ARMC8: variants seen among roughly 807,000 people sequenced by gnomAD.
The protein encoded by ARMC8 is armadillo repeat-containing protein 8.
Under a neutral mutation model 99.3 loss-of-function variants are expected in ARMC8, and 20 were observed. The ratio of observed to expected loss-of-function variants is 0.20; its 90% confidence interval spans 0.14 to 0.29. The LOEUF (loss-of-function observed/expected upper bound fraction) is 0.29. ARMC8 is among the 10% of genes least tolerant of loss of function. The pLI, the probability that ARMC8 is intolerant of heterozygous loss-of-function variation, is 1.00. For synonymous variants in ARMC8, 263 were observed against 278.3 expected (o/e 0.95, Z 0.55); for missense variants, 569 against 809.5 (o/e 0.70, Z 3.60).
rs548327651 is a variant in ARMC8 at position 138,194,757 on chromosome 3, A to G, written c.45+7158A>G. Among the ~76,000 whole-genome samples the G allele has an allele frequency of 4.0e-5, 6 of 151,828 alleles. No homozygotes were observed. The East Asian group carries it at 5.8e-4, about 15-fold the overall frequency. On this transcript the variant is annotated intron_variant, in intron 1 of 21. Coordinates refer to ENST00000469044, the MANE Select transcript of ARMC8 (RefSeq NM_001363941.2). Reference sequence around the variant, plus strand: ...TATAAGCATATTGTTGGCCTTGCCTATAGCTACTTAATGATTTATTCTCTT... The same window carrying G: ...TATAAGCATATTGTTGGCCTTGCCTGTAGCTACTTAATGATTTATTCTCTT...
chr3:138,241,838 T>C lies in ARMC8; in HGVS notation c.893T>C (p.Val298Ala). The C allele has an allele frequency of 6.2e-7, 1 of 1,613,910 alleles. No individual in the cohort carries two copies. The highest frequency in any genetic ancestry group is 8.5e-7 in the Non-Finnish European group (1 of 1,179,948). The change falls in exon 11 of 22, where the codon GTT (valine) becomes GCT (alanine). Residue 298 changes from valine (V) to alanine (A), a missense_variant. Physicochemically the swap from Val to Ala is moderately conservative, Grantham distance 64 (BLOSUM62 0). Transcript: ENST00000469044. ...CSKERLLEER[V>A]EGAETLAYLI... The stretch of plus-strand genomic sequence containing the variant: ...AAGGAGAGATTACTAGAGGAGAGAG[T>C]TGAAGGAGCTGAGACACTTGCCTAT...
At chr3:138,257,577 T>G (rs972797671) in intron 12 of ARMC8, among the ~76,000 whole-genome samples, 1 of 152,184 alleles carries the variant, frequency 6.6e-6, no homozygotes, top group Admixed American at 6.5e-5. Flanking sequence ...CTCATGGCCC[T>G]TCTCTTTCCT....
chr3:138,200,427 T>C (rs1164816524), intron 1 of ARMC8, among the ~76,000 whole-genome samples: 1 of 152,208 alleles, frequency 6.6e-6, no homozygotes, highest in Non-Finnish European at 1.5e-5. Flanking sequence ...GGAAAATCGA[T>C]TGTACATTAA....
At chr3:138,251,192 T>G (rs989834585) in intron 12 of ARMC8, among the ~76,000 whole-genome samples, 13 of 151,962 alleles carry the variant, frequency 8.6e-5, no homozygotes, top group Admixed American at 8.5e-4. Context: ...TTGCTGAGCA[T>G]GCATTCACTT....
In ARMC8 at chr3:138,239,453, G is replaced by T; in HGVS notation, c.777-15G>T. 6.3e-7 allele frequency: 1 copy of T among 1,578,792 alleles called. No homozygotes were observed. The highest frequency in any genetic ancestry group is 8.6e-7 in the Non-Finnish European group (1 of 1,162,772). On this transcript the variant is annotated splice_polypyrimidine_tract_variant and intron_variant, in intron 9 of 21. Transcript: ENST00000469044. ...AACTCCAAGCAAAAACTTATTTTCT[G>T]CTGTCTTATTCCAGTTTAACTTACA...
intron 1 of ARMC8, among the ~76,000 whole-genome samples, chr3:138,192,489 G>C (rs2043451480): frequency 6.6e-6 from 1 of 151,894 alleles, no homozygotes; most frequent in Non-Finnish European, 1.5e-5. Flanking sequence ...GTGTTAGCCA[G>C]GATAGTCTCA....
chr3:138,213,040 A>G (rs1025274844), intron 2 of ARMC8, among the ~76,000 whole-genome samples: 2 of 152,236 alleles, frequency 1.3e-5, no homozygotes, highest in African/African-American at 4.8e-5. Flanking sequence ...AGGCTGAGGC[A>G]GGAAGATTGC....
intron 1 of ARMC8, chr3:138,188,445 C>G: frequency 1.2e-6 from 2 of 1,602,894 alleles, no homozygotes; most frequent in Non-Finnish European, 1.7e-6. Context: ...CTATGTTGCT[C>G]TTGAACCAGG....
intron 2 of ARMC8, 93 bp from the exon 3 acceptor site, chr3:138,221,833 A>G: frequency 1.0e-6 from 1 of 1,001,500 alleles, no homozygotes; most frequent in Non-Finnish European, 1.5e-6. Context: ...TTACTTTGTC[A>G]AATCTAAGAT....
intron 17 of ARMC8, among the ~76,000 whole-genome samples, chr3:138,274,018 G>A (rs900844168): frequency 3.2e-4 from 49 of 152,048 alleles, no homozygotes; most frequent in Middle Eastern, 3.4e-3. Context: ...GGGTTTTGCC[G>A]TGTTGGCCAG....
Position 138,245,300 on chromosome 3 carries a change from A to G in ARMC8, c.1134+117A>G, listed in dbSNP as rs753598804. ...TGACTGTTTGAATATAATAAAGCAG[A>G]GTGACTAAAGGCATAATTGAAGAAT... On this transcript the variant is annotated intron_variant, in intron 12 of 21. Coordinates refer to ENST00000469044, the MANE Select transcript of ARMC8 (RefSeq NM_001363941.2). The G allele has an allele frequency of 8.8e-6, 14 of 1,590,076 alleles. No homozygotes were observed. In the East Asian group the frequency reaches 3.1e-4, roughly 36 times the overall value.
chr3:138,252,540 G>A (rs888089189), intron 12 of ARMC8, among the ~76,000 whole-genome samples: 5 of 147,620 alleles, frequency 3.4e-5, no homozygotes, highest in African/African-American at 7.6e-5. Context: ...TGCAGCCTCC[G>A]TCTCCTGGGT....
At chr3:138,252,452 C>CTTT (rs1169244202) in intron 12 of ARMC8, among the ~76,000 whole-genome samples, 17 of 129,168 alleles carry the variant, frequency 1.3e-4, no homozygotes, top group African/African-American at 3.8e-4. Context: ...ACCATAAACT[C>CTTT]TTTTTTTTTT....
chr3:138,254,483 T>C (rs2047284530), intron 12 of ARMC8, among the ~76,000 whole-genome samples: 1 of 152,202 alleles, frequency 6.6e-6, no homozygotes, highest in Non-Finnish European at 1.5e-5. Flanking sequence ...GAATCGTTCA[T>C]GTGCCCAGGA....
At chr3:138,209,153 T>C (rs1307151591) in intron 1 of ARMC8, among the ~76,000 whole-genome samples, 2 of 152,250 alleles carry the variant, frequency 1.3e-5, no homozygotes, top group Admixed American at 1.3e-4. Context: ...CTTTTGTGTA[T>C]ACTAATTTAT....
chr3:138,280,594 C>T (rs933842956), intron 18 of ARMC8, among the ~76,000 whole-genome samples: 2 of 151,432 alleles, frequency 1.3e-5, no homozygotes, highest in African/African-American at 2.4e-5. Context: ...TCCGGGTTCA[C>T]GCCATTCTCC....
intron 1 of ARMC8, among the ~76,000 whole-genome samples, chr3:138,203,226 T>C (rs1310582704): frequency 6.6e-6 from 1 of 152,248 alleles, no homozygotes; most frequent in Non-Finnish European, 1.5e-5. Context: ...CCTCTTTCAC[T>C]CTTAAAATTA....
intron 2 of ARMC8, among the ~76,000 whole-genome samples, chr3:138,219,664 G>T (rs932950595): frequency 6.6e-6 from 1 of 152,168 alleles, no homozygotes; most frequent in Non-Finnish European, 1.5e-5. Context: ...CAATTGAATA[G>T]AATTTATTAA....
chr3:138,237,703 CCA>C (rs2046402847), intron 9 of ARMC8, 131 bp downstream of exon 9: 2 of 685,512 alleles, frequency 2.9e-6, no homozygotes, highest in Non-Finnish European at 4.8e-6. Context: ...AGTCAGGAGT[CCA>C]TCCCACATTT....
Sources: allele counts gnomAD v4.1 joint callset (sites outside exome capture counted in the v4.1 genomes callset), GRCh38; gene constraint gnomAD v4.1.1; transcripts MANE v1.5; gene names NCBI Gene and HGNC (gene_info 2026-07-23, HGNC 2026-07-21).